The following EMCN variants were observed in gnomAD, a reference collection of about 807,000 sequenced individuals.
EMCN encodes the protein endomucin, also known as MUC-14.
In EMCN, 37 loss-of-function variants were observed where a neutral mutation model predicts 38.4. The ratio of observed to expected loss-of-function variants is 0.96; its 90% CI spans 0.74 to 1.27. EMCN has a LOEUF of 1.27. Ranked by LOEUF, EMCN falls within the 50% of genes most tolerant of loss-of-function variation. The pLI is 0.00. For synonymous variants in EMCN, 95 were observed against 100.8 expected (o/e 0.94, Z 0.35); for missense variants, 318 against 302.8 (o/e 1.05, Z -0.37).
At chr4:100,468,808 A>T (rs1030748224) in intron 3 of EMCN, among the ~76,000 whole-genome samples, 1 of 152,048 alleles carries the variant, frequency 6.6e-6, no homozygotes, top group Non-Finnish European at 1.5e-5. Flanking sequence ...TAAAATGTCC[A>T]TATTACCCAA....
At chr4:100,399,183 A>G (rs1486034991) in intron 11 of EMCN, among the ~76,000 whole-genome samples, 1 of 152,192 alleles carries the variant, frequency 6.6e-6, no homozygotes, top group Non-Finnish European at 1.5e-5. Flanking sequence ...TCTGCAGTGT[A>G]GGAACAACTT....
intron 10 of EMCN, among the ~76,000 whole-genome samples, chr4:100,415,324 C>T (rs921171101): frequency 6.6e-6 from 1 of 152,112 alleles, no homozygotes; most frequent in African/African-American, 2.4e-5. Flanking sequence ...TATCTAGCAC[C>T]ACATTTTTTC....
At chr4:100,414,471 A>C (rs1726657857) in intron 10 of EMCN, among the ~76,000 whole-genome samples, 1 of 146,482 alleles carries the variant, frequency 6.8e-6, no homozygotes, top group African/African-American at 2.6e-5. Flanking sequence ...TAACCACTCT[A>C]TGGGTACACT....
intron 1 of EMCN, among the ~76,000 whole-genome samples, chr4:100,505,968 T>C (rs1388078986): frequency 6.6e-6 from 1 of 152,186 alleles, no homozygotes; most frequent in Non-Finnish European, 1.5e-5. Flanking sequence ...AAAAAAGCCA[T>C]AGGTTTCCAA....
At chr4:100,508,550 G>C (rs1176764164) in intron 1 of EMCN, among the ~76,000 whole-genome samples, 1 of 152,218 alleles carries the variant, frequency 6.6e-6, no homozygotes. Flanking sequence ...TGGTGCTTTT[G>C]CTTCTGCACA....
At chr4:100,469,293 TA>T (rs1728408621) in intron 3 of EMCN, among the ~76,000 whole-genome samples, 1 of 151,996 alleles carries the variant, frequency 6.6e-6, no homozygotes, top group Non-Finnish European at 1.5e-5. Context: ...GAAGAGAAGA[TA>T]GGGGCAAATC....
intron 11 of EMCN, 120 bp downstream of exon 11, chr4:100,410,162 G>C: frequency 1.4e-6 from 1 of 727,806 alleles, no homozygotes. Flanking sequence ...AATGATCATT[G>C]CATTGACACA....
chr4:100,491,535 C>T (rs921478633), intron 1 of EMCN, among the ~76,000 whole-genome samples: 4 of 152,292 alleles, frequency 2.6e-5, no homozygotes, highest in South Asian at 2.1e-4. Flanking sequence ...AAACTTCAAC[C>T]GTGCAATTCT....
intron 5 of EMCN, among the ~76,000 whole-genome samples, chr4:100,428,168 A>G (rs1239377980): frequency 6.6e-6 from 1 of 152,148 alleles, no homozygotes; most frequent in Non-Finnish European, 1.5e-5. Flanking sequence ...TCCATGCAAT[A>G]GCCCACAAAA....
intron 8 of EMCN, among the ~76,000 whole-genome samples, chr4:100,419,515 G>A (rs1339037095): frequency 6.6e-6 from 1 of 152,088 alleles, no homozygotes; most frequent in Non-Finnish European, 1.5e-5. Flanking sequence ...CGCTTTAATA[G>A]AAAAGGTCAA....
At chr4:100,419,975 ACAAAGAATAATGCAG>A (rs1726843273) in intron 8 of EMCN, among the ~76,000 whole-genome samples, 1 of 152,124 alleles carries the variant, frequency 6.6e-6, no homozygotes, top group Non-Finnish European at 1.5e-5. Flanking sequence ...CATGAGGTAA[ACAAAGAATAATGCAG>A]CTTATATACA....
intron 5 of EMCN, among the ~76,000 whole-genome samples, chr4:100,444,285 G>A (rs1000739557): frequency 2.6e-5 from 4 of 152,240 alleles, no homozygotes; most frequent in Admixed American, 2.0e-4. Context: ...ATATGGGTCA[G>A]TGGAGCCTCT....
rs1049223805 is a variant in EMCN, at chr4:100,396,156, G to C, written c.*2257C>G. The C allele has an allele frequency of 6.6e-6, 1 of 152,118 alleles. No homozygotes were observed. The highest frequency in any genetic ancestry group is 2.4e-5 in the African/African-American group (1 of 41,420). The allele number at this position is 152,118 out of a possible 1,614,324, so 9.4% of individuals were successfully genotyped here. A position where few individuals can be genotyped will look rare whatever the true frequency, so the allele number is the denominator to read the frequency against. ...GTTTAAGTTGGTTTATAAAAATGCAGACCTTACCTTTGAGATTGATATAAA... is the reference window on the plus strand; with the variant it reads ...GTTTAAGTTGGTTTATAAAAATGCACACCTTACCTTTGAGATTGATATAAA... On this transcript the variant is annotated 3_prime_UTR_variant, in exon 12 of 12. Coordinates refer to ENST00000296420, the MANE Select transcript of EMCN (RefSeq NM_016242.4).
At chr4:100,419,493 A>G (rs1726828541) in intron 8 of EMCN, among the ~76,000 whole-genome samples, 1 of 152,142 alleles carries the variant, frequency 6.6e-6, no homozygotes. Context: ...AACTTTATAC[A>G]TCCATGGAAA....
intron 1 of EMCN, among the ~76,000 whole-genome samples, chr4:100,484,037 C>A (rs987972233): frequency 6.6e-6 from 1 of 152,072 alleles, no homozygotes; most frequent in South Asian, 2.1e-4. Flanking sequence ...CTACCCTGTC[C>A]CCATATATCC....
chr4:100,451,004 T>C (rs996072943), intron 4 of EMCN, among the ~76,000 whole-genome samples: 1 of 151,920 alleles, frequency 6.6e-6, no homozygotes. Flanking sequence ...AAAATTTTCA[T>C]TGGATGCACA....
rs2110209191 is a variant in EMCN, at chr4:100,409,974, T to C, written c.*39+308A>G. Among the ~76,000 whole-genome samples the C allele has an allele frequency of 3.9e-5, 6 of 152,326 alleles. 1 individual carries two copies. The Middle Eastern group carries it at 0.02, about 518-fold the overall frequency. On this transcript the variant is annotated intron_variant, in intron 11 of 11. Coordinates refer to ENST00000296420, the MANE Select transcript of EMCN (RefSeq NM_016242.4). ...AAGCCTGTCTAAGTGCCACAGTTAG[T>C]GTGTGCTTACTGACCTAGGTAGGCA...
chr4:100,423,961 T>A (rs937888550), intron 5 of EMCN, among the ~76,000 whole-genome samples: 7 of 152,096 alleles, frequency 4.6e-5, no homozygotes, highest in Admixed American at 1.3e-4. Flanking sequence ...GTGCCTTTTC[T>A]AGAGTAATGC....
At chr4:100,480,145 C>A in intron 1 of EMCN, 106 bp from the exon 2 acceptor site, 2 of 939,846 alleles carry the variant, frequency 2.1e-6, no homozygotes, top group Non-Finnish European at 1.5e-6. Flanking sequence ...AATTTGCAAC[C>A]AATTTTCCAG....
Sources: gnomAD v4.1 joint callset for allele counts (sites outside exome capture counted in the v4.1 genomes callset) on GRCh38, gnomAD v4.1.1 for gene constraint, MANE v1.5 for transcripts, NCBI Gene and HGNC (gene_info 2026-07-23, HGNC 2026-07-21) for gene names.